Variants in STARD3NL observed in about 807,000 individuals in gnomAD.
STARD3NL encodes the protein STARD3 N-terminal-like protein.
In STARD3NL, 17 loss-of-function variants were observed where a neutral mutation model predicts 30.9. The observed-to-expected ratio is 0.55, with a 90% CI of 0.38 to 0.82. The LOEUF is 0.82. STARD3NL is among the 40% of genes least tolerant of loss of function. STARD3NL has a pLI of 0.00. For synonymous variants in STARD3NL, 112 were observed against 100.5 expected, an observed-to-expected ratio of 1.11 and a Z score of -0.69; for missense variants, 234 against 277.6, an observed-to-expected ratio of 0.84 and a Z score of 1.12.
chr7:38,185,835 G>A (rs974164349), intron 1 of STARD3NL, among the ~76,000 whole-genome samples: 1 of 152,178 alleles, frequency 6.6e-6, no homozygotes, highest in East Asian at 1.9e-4. Context: ...ATGAAGGATA[G>A]TTACTAAAAG....
At chr7:38,210,812 A>G (rs61684965) in intron 2 of STARD3NL, among the ~76,000 whole-genome samples, 1 of 152,320 alleles carries the variant, frequency 6.6e-6, no homozygotes, top group African/African-American at 2.4e-5. Context: ...AGCCTTTATC[A>G]ATGCTTAGTG....
intron 7 of STARD3NL, among the ~76,000 whole-genome samples, chr7:38,227,169 G>T (rs1053377333): frequency 2.6e-5 from 4 of 152,158 alleles, no homozygotes; most frequent in African/African-American, 9.7e-5. Context: ...TTTTAATTAA[G>T]GGTTTAGCTT....
intron 1 of STARD3NL, among the ~76,000 whole-genome samples, chr7:38,193,823 A>G (rs1187033171): frequency 6.6e-6 from 1 of 152,134 alleles, no homozygotes; most frequent in African/African-American, 2.4e-5. Context: ...TAATTATGTT[A>G]TATTAATATG....
chr7:38,220,603 T>C (rs1028910650), intron 7 of STARD3NL, among the ~76,000 whole-genome samples: 1 of 152,078 alleles, frequency 6.6e-6, no homozygotes, highest in African/African-American at 2.4e-5. Context: ...AGATTAAACA[T>C]AGAGTTACCA....
rs546466481 is a variant in STARD3NL at position 38,204,342 on chromosome 7, C to T, written c.-58-3105C>T. Among the ~76,000 whole-genome samples, 8 of 152,224 alleles carry T rather than the reference C, an allele frequency of 5.3e-5. No homozygotes were observed. In the South Asian group the frequency reaches 1.0e-3, roughly 20 times the overall value. The stretch of plus-strand genomic sequence containing the variant: ...CAGGATGAAGAAACTCACTCAAAAC[C>T]GCTCAACTACATGGAAACTGAACAA... On this transcript the variant is annotated intron_variant, in intron 1 of 8. Transcript: ENST00000009041.
chr7:38,210,090 G>A (rs757120128), intron 2 of STARD3NL, among the ~76,000 whole-genome samples: 2 of 152,022 alleles, frequency 1.3e-5, no homozygotes, highest in Non-Finnish European at 2.9e-5. Context: ...TTCACTACAC[G>A]CAGTACCATT....
chr7:38,205,955 AG>A (rs1195952068), intron 1 of STARD3NL, among the ~76,000 whole-genome samples: 2 of 152,228 alleles, frequency 1.3e-5, no homozygotes, highest in East Asian at 3.8e-4. Context: ...TTACAAGATC[AG>A]GAAGTATGGA....
chr7:38,205,350 G>A (rs1279982080), intron 1 of STARD3NL, among the ~76,000 whole-genome samples: 1 of 152,064 alleles, frequency 6.6e-6, no homozygotes, highest in East Asian at 1.9e-4. Flanking sequence ...TATTTCATAG[G>A]TACCTTCTTA....
At chr7:38,220,990 A>T (rs186761799) in intron 7 of STARD3NL, among the ~76,000 whole-genome samples, 44 of 152,294 alleles carry the variant, frequency 2.9e-4, no homozygotes, top group African/African-American at 8.9e-4. Context: ...ATTCTGACAC[A>T]TACTATAACA....
chr7:38,228,849 C>T lies in STARD3NL; in HGVS notation c.700C>T (p.Leu234=). Residue 234 remains leucine (L), a synonymous_variant, in exon 8 of 9, where the codon CTA becomes TTA. Transcript: ENST00000009041. ...GGACAGTGAGAAACCACTTTTAGAA[C>T]TATGAGTACTACTTTTGTTAAAGTA... The part of the protein sequence containing the change: ...KQDSEKPLLE[L] The T allele has an allele frequency of 6.2e-7, 1 of 1,611,870 alleles. No individual in the cohort carries two copies. The highest frequency in any genetic ancestry group is 8.5e-7 in the Non-Finnish European group (1 of 1,178,660).
chr7:38,204,394 A>C (rs1368237911), intron 1 of STARD3NL, among the ~76,000 whole-genome samples: 1 of 152,276 alleles, frequency 6.6e-6, no homozygotes, highest in African/African-American at 2.4e-5. Context: ...TACTGGGTAC[A>C]TAACAAAATG....
chr7:38,226,087 T>G (rs571064661), intron 7 of STARD3NL, among the ~76,000 whole-genome samples: 1 of 152,138 alleles, frequency 6.6e-6, no homozygotes, highest in East Asian at 1.9e-4. Flanking sequence ...CACTCAGAGA[T>G]AGTTTGTTTT....
intron 1 of STARD3NL, among the ~76,000 whole-genome samples, chr7:38,200,085 T>G (rs77857991): frequency 0.016 from 2,405 of 152,226 alleles, 30 homozygotes; most frequent in Non-Finnish European, 0.023. Context: ...CCCAGAAATG[T>G]GTAATCTGGC....
intron 1 of STARD3NL, chr7:38,179,054 C>G (rs1030014650): frequency 6.6e-6 from 1 of 152,130 alleles, no homozygotes; most frequent in African/African-American, 2.4e-5. Flanking sequence ...TGGAACTTTT[C>G]TTTGTTCACT....
intron 2 of STARD3NL, among the ~76,000 whole-genome samples, chr7:38,210,553 CTT>C (rs1270600125): frequency 1.3e-5 from 2 of 152,154 alleles, no homozygotes; most frequent in African/African-American, 4.8e-5. Context: ...CTGCTGATCT[CTT>C]TTCGGTCAAT....
In STARD3NL at chr7:38,230,454, C is replaced by G. The variant is rs1299000295; in HGVS notation, c.*549C>G. 2.0e-5 allele frequency: 3 copies of G among 152,400 alleles called. No individual in the cohort carries two copies. In the East Asian group the frequency reaches 5.8e-4, roughly 29 times the overall value. 9.4% of individuals were successfully genotyped at this position (152,400 alleles called of 1,614,324 possible). On this transcript the variant is annotated 3_prime_UTR_variant, in exon 9 of 9. Transcript: ENST00000009041. Reference sequence around the variant, plus strand: ...TCTTGTTTTGCATTATGTGTATGGCCTGAAGTGTTGGACTTGCAAAAGGGG... The same window carrying G: ...TCTTGTTTTGCATTATGTGTATGGCGTGAAGTGTTGGACTTGCAAAAGGGG...
chr7:38,211,916 A>G (rs928371366), intron 2 of STARD3NL, among the ~76,000 whole-genome samples: 1 of 152,162 alleles, frequency 6.6e-6, no homozygotes, highest in African/African-American at 2.4e-5. Flanking sequence ...AATATATTCA[A>G]AATGTGACCA....
At chr7:38,210,807 TTA>T (rs1785756598) in intron 2 of STARD3NL, among the ~76,000 whole-genome samples, 1 of 152,228 alleles carries the variant, frequency 6.6e-6, no homozygotes, top group South Asian at 2.1e-4. Context: ...AAAAAAGCCT[TTA>T]TCAATGCTTA....
At chr7:38,184,546 T>G (rs1031169306) in intron 1 of STARD3NL, among the ~76,000 whole-genome samples, 4 of 150,094 alleles carry the variant, frequency 2.7e-5, no homozygotes, top group African/African-American at 9.8e-5. Context: ...AACAAGCAGA[T>G]CTCATGCAAA....
Sources: allele counts gnomAD v4.1 joint callset (sites outside exome capture counted in the v4.1 genomes callset), GRCh38; gene constraint gnomAD v4.1.1; transcripts MANE v1.5; gene names NCBI Gene and HGNC (gene_info 2026-07-23, HGNC 2026-07-21).